The following PEX7 variants were observed in gnomAD, a reference collection of about 807,000 sequenced individuals.
PEX7 encodes the protein PTS2 receptor.
PEX7 carries 34 observed loss-of-function variants against 47.5 expected under a neutral mutation model. The ratio of observed to expected loss-of-function variants is 0.72; its 90% CI spans 0.54 to 0.95. PEX7 has a LOEUF of 0.95. Ranked by LOEUF, PEX7 falls within the 40% of genes least tolerant of loss-of-function variation. The probability of loss-of-function intolerance (pLI) is 0.00; values close to 1 mark genes in which losing one functional copy is unlikely to be tolerated. For missense variants in PEX7, 394 were observed against 400.3 expected (o/e 0.98, Z 0.13); for synonymous variants, 141 against 148.8 (o/e 0.95, Z 0.38).
At chr6:136,873,705 A>G (rs1044130282) in intron 8 of PEX7, among the ~76,000 whole-genome samples, 4 of 152,210 alleles carry the variant, frequency 2.6e-5, no homozygotes, top group Non-Finnish European at 5.9e-5. Flanking sequence ...TGATATGAGT[A>G]CAAACGCCTT....
chr6:136,875,220 T>C (rs1384804087), intron 8 of PEX7, among the ~76,000 whole-genome samples: 2 of 152,074 alleles, frequency 1.3e-5, no homozygotes, highest in Non-Finnish European at 2.9e-5. Flanking sequence ...ACTTTCTTTT[T>C]GTTGTTCTTT....
At chr6:136,866,127 A>T (rs1479225892) in intron 5 of PEX7, among the ~76,000 whole-genome samples, 2 of 151,876 alleles carry the variant, frequency 1.3e-5, no homozygotes, top group African/African-American at 4.8e-5. Context: ...AAAATTTTTT[A>T]GCTTTTTTTT....
chr6:136,888,108 C>T (rs1775498437), intron 8 of PEX7, among the ~76,000 whole-genome samples: 2 of 151,924 alleles, frequency 1.3e-5, no homozygotes, highest in South Asian at 4.1e-4. Flanking sequence ...CCAAAGTAAA[C>T]AGATAGTATA....
intron 8 of PEX7, among the ~76,000 whole-genome samples, chr6:136,876,877 T>G (rs183192788): frequency 0.011 from 1,673 of 152,354 alleles, 16 homozygotes; most frequent in Non-Finnish European, 0.02. Flanking sequence ...CTGGGTCAAA[T>G]GGTGTTTCTG....
chr6:136,861,180 G>C (rs970271637), intron 5 of PEX7, among the ~76,000 whole-genome samples: 2 of 152,078 alleles, frequency 1.3e-5, no homozygotes, highest in Non-Finnish European at 2.9e-5. Context: ...TGCCTCCTAG[G>C]CTCAAGCAGT....
intron 8 of PEX7, among the ~76,000 whole-genome samples, chr6:136,880,605 C>T (rs1390171428): frequency 1.3e-5 from 2 of 152,084 alleles, no homozygotes; most frequent in East Asian, 1.9e-4. Context: ...TGTGGAAGAC[C>T]TGAGGTTTGT....
At chr6:136,882,175 C>CTTTTTTTTTTTTTT (rs35653586) in intron 8 of PEX7, among the ~76,000 whole-genome samples, 3 of 104,324 alleles carry the variant, frequency 2.9e-5, no homozygotes, top group Non-Finnish European at 3.8e-5. Flanking sequence ...TCTTCTTCTT[C>CTTTTTTTTTTTTTT]TTTTTTTTTT....
At chr6:136,830,155 C>T in intron 3 of PEX7, 1 of 651,356 alleles carries the variant, frequency 1.5e-6, no homozygotes, top group South Asian at 1.7e-5. Flanking sequence ...GTTGTGAGAC[C>T]TTGCGTATGT....
At chr6:136,869,654 G>C (rs1775138741) in intron 6 of PEX7, among the ~76,000 whole-genome samples, 1 of 152,158 alleles carries the variant, frequency 6.6e-6, no homozygotes, top group African/African-American at 2.4e-5. Flanking sequence ...GCTGTCTGTA[G>C]TGTTCCATCG....
intron 3 of PEX7, among the ~76,000 whole-genome samples, chr6:136,840,132 G>A (rs966998982): frequency 2.6e-5 from 4 of 152,108 alleles, no homozygotes; most frequent in African/African-American, 9.7e-5. Context: ...AAGATCAGTG[G>A]AAAGACATTG....
chr6:136,822,842 G>GGGGGCCGGAGGCGGAGGCGGGGGCC (rs11283064), intron 1 of PEX7, 47 bp downstream of exon 1: 3 of 1,231,682 alleles, frequency 2.4e-6, no homozygotes, highest in South Asian at 3.4e-5. Context: ...AGGCGGAGGC[G>GGGGGCCGGAGGCGGAGGCGGGGGCC]GGGGCCAGCC....
intron 5 of PEX7, among the ~76,000 whole-genome samples, chr6:136,847,247 T>C (rs1339627649): frequency 6.6e-6 from 1 of 152,210 alleles, no homozygotes; most frequent in Admixed American, 6.5e-5. Flanking sequence ...GATATTAGCC[T>C]TTTGTCAGAT....
intron 6 of PEX7, among the ~76,000 whole-genome samples, chr6:136,869,604 T>G (rs908528243): frequency 1.3e-5 from 2 of 152,224 alleles, no homozygotes; most frequent in Admixed American, 6.5e-5. Flanking sequence ...AAAGCTGAAT[T>G]AGAAAATCCA....
chr6:136,901,952 A>C (rs1405651768), intron 9 of PEX7, among the ~76,000 whole-genome samples: 3 of 151,920 alleles, frequency 2.0e-5, no homozygotes, highest in African/African-American at 7.2e-5. Context: ...CGCCCAGCTA[A>C]TTTTGTATTT....
At chr6:136,901,698 T>C (rs556779507) in intron 9 of PEX7, among the ~76,000 whole-genome samples, 1 of 152,306 alleles carries the variant, frequency 6.6e-6, no homozygotes, top group Admixed American at 6.5e-5. Context: ...GACTGTACCG[T>C]TTGATGGGAG....
At chr6:136,852,155 A>G (rs1774768896) in intron 5 of PEX7, among the ~76,000 whole-genome samples, 1 of 150,148 alleles carries the variant, frequency 6.7e-6, no homozygotes, top group African/African-American at 2.5e-5. Context: ...TAAATCTTTA[A>G]TCCATCTTGA....
chr6:136,866,721 T>TCAC lies in PEX7; in HGVS notation c.621_622insCAC (p.Cys207_Lys208insHis). ...CAGAAATCTTGAGTTGTGACTGGTG[T>TCAC]AAATACAATGAGGTATAGTGTATGG... On this transcript the variant is annotated inframe_insertion, in exon 6 of 10. Coordinates refer to ENST00000318471, the MANE Select transcript of PEX7 (RefSeq NM_000288.4). 1.9e-6 allele frequency: 3 copies of TCAC among 1,613,350 alleles called. No homozygotes were observed. Among genetic ancestry groups the TCAC allele is most frequent in the Non-Finnish European group, 2.5e-6 (3 of 1,179,334 alleles).
At chr6:136,849,176 T>C (rs1382819326) in intron 5 of PEX7, among the ~76,000 whole-genome samples, 1 of 152,198 alleles carries the variant, frequency 6.6e-6, no homozygotes, top group African/African-American at 2.4e-5. Flanking sequence ...TAGTTTTTAT[T>C]TCTGTGGGAT....
intron 5 of PEX7, among the ~76,000 whole-genome samples, chr6:136,850,073 C>T (rs1018488232): frequency 2.0e-5 from 3 of 151,922 alleles, no homozygotes; most frequent in African/African-American, 7.3e-5. Flanking sequence ...ATAGTTAGCT[C>T]TTCTTGTTGC....
Sources: gnomAD v4.1 joint callset for allele counts (sites outside exome capture counted in the v4.1 genomes callset) on GRCh38, gnomAD v4.1.1 for gene constraint, MANE v1.5 for transcripts, NCBI Gene and HGNC (gene_info 2026-07-23, HGNC 2026-07-21) for gene names.